ELMO1: variants seen among roughly 807,000 people sequenced by gnomAD.
ELMO1 encodes engulfment and cell motility 1.
In ELMO1, 26 loss-of-function variants were observed where a neutral mutation model predicts 98.9. The ratio of observed to expected loss-of-function variants is 0.26; its 90% CI spans 0.19 to 0.36. The LOEUF is 0.36. Ranked by LOEUF, ELMO1 falls within the 10% of genes least tolerant of loss-of-function variation. The pLI, the probability that ELMO1 is intolerant of heterozygous loss-of-function variation, is 1.00. For synonymous variants in ELMO1, 346 were observed against 346.0 expected (o/e 1.00, Z 0.00); for missense variants, 627 against 935.2 (o/e 0.67, Z 4.30).
intron 13 of ELMO1, chr7:37,211,111 G>A (rs748079913): frequency 3.2e-5 from 10 of 316,606 alleles, no homozygotes; most frequent in Admixed American, 9.3e-5. Context: ...TAATGAAGTC[G>A]AGATACATTC....
intron 16 of ELMO1, among the ~76,000 whole-genome samples, chr7:36,924,990 T>C (rs932871393): frequency 2.6e-5 from 4 of 152,192 alleles, no homozygotes; most frequent in Non-Finnish European, 4.4e-5. Context: ...CAAAGTCTGA[T>C]CATCTCCAGT....
intron 13 of ELMO1, among the ~76,000 whole-genome samples, chr7:37,196,451 C>T (rs1308444600): frequency 3.3e-5 from 5 of 152,154 alleles, no homozygotes; most frequent in Non-Finnish European, 7.3e-5. Context: ...AAGGACGATG[C>T]TCTGTGCATG....
chr7:37,281,299 G>A (rs1160856560), intron 4 of ELMO1, among the ~76,000 whole-genome samples: 1 of 151,992 alleles, frequency 6.6e-6, no homozygotes, highest in Admixed American at 6.6e-5. Flanking sequence ...CTTGGGTGAT[G>A]TGTACACCAA....
chr7:37,207,483 G>A (rs1192632553), intron 13 of ELMO1, among the ~76,000 whole-genome samples: 1 of 151,920 alleles, frequency 6.6e-6, no homozygotes, highest in Non-Finnish European at 1.5e-5. Context: ...CCTGGGAGAT[G>A]GAGGTTACAG....
At chr7:37,164,966 A>G (rs1789543950) in intron 13 of ELMO1, among the ~76,000 whole-genome samples, 1 of 152,026 alleles carries the variant, frequency 6.6e-6, no homozygotes, top group Non-Finnish European at 1.5e-5. Flanking sequence ...CTTCCTACCC[A>G]TGAGCATGGA....
chr7:36,914,810 C>G (rs1445118597), intron 16 of ELMO1, among the ~76,000 whole-genome samples: 1 of 152,122 alleles, frequency 6.6e-6, no homozygotes, highest in Non-Finnish European at 1.5e-5. Flanking sequence ...CCGCACCCAG[C>G]CGAAATGAAA....
chr7:36,892,794 T>C (rs559723223), intron 17 of ELMO1, among the ~76,000 whole-genome samples: 1 of 152,310 alleles, frequency 6.6e-6, no homozygotes, highest in East Asian at 1.9e-4. Flanking sequence ...ATGCTGTGGC[T>C]CCTAACCACT....
At chr7:37,432,871 G>A (rs1804988015) in intron 1 of ELMO1, among the ~76,000 whole-genome samples, 1 of 152,244 alleles carries the variant, frequency 6.6e-6, no homozygotes, top group Non-Finnish European at 1.5e-5. Flanking sequence ...ATGCCCTGTA[G>A]GCTCTTGGGT....
rs1805873574 is a variant in ELMO1, at chr7:36,894,951, A to C, written c.1504T>G (p.Phe502Val). 1 of 1,613,932 alleles carries C rather than the reference A, an allele frequency of 6.2e-7. No homozygotes were observed. The highest frequency in any genetic ancestry group is 1.1e-5 in the South Asian group (1 of 91,074). The change falls in exon 17 of 22, where the codon TTC becomes GTC. Residue 502 changes from phenylalanine (F) to valine (V), a missense_variant. Phe to Val is a conservative substitution (Grantham distance 50). Coordinates refer to ENST00000310758, the MANE Select transcript of ELMO1 (RefSeq NM_014800.11). ...LTTKPSSLDQFKSKLQNLSYT... is the reference protein window; with the variant it reads ...LTTKPSSLDQVKSKLQNLSYT... ...CTCAGGTTCTGCAGTTTGCTCTTGA[A>C]CTGGTCCAGGGAGCTAGGCTTGGTT... is the stretch of plus-strand genomic sequence containing the variant.
At chr7:37,171,079 C>A (rs1328336385) in intron 13 of ELMO1, among the ~76,000 whole-genome samples, 1 of 152,168 alleles carries the variant, frequency 6.6e-6, no homozygotes, top group Non-Finnish European at 1.5e-5. Context: ...ATTCAGAAGA[C>A]TTAAACTTTC....
chr7:37,059,218 A>C (rs1369417195), intron 15 of ELMO1, among the ~76,000 whole-genome samples: 2 of 152,034 alleles, frequency 1.3e-5, no homozygotes, highest in Non-Finnish European at 2.9e-5. Flanking sequence ...GGAAAATATC[A>C]CTCCAGTGGG....
chr7:36,991,133 C>A (rs1791848559), intron 16 of ELMO1, among the ~76,000 whole-genome samples: 1 of 152,176 alleles, frequency 6.6e-6, no homozygotes, highest in African/African-American at 2.4e-5. Context: ...TTGATTAATT[C>A]ATTCTTATGA....
intron 2 of ELMO1, among the ~76,000 whole-genome samples, chr7:37,335,926 T>C (rs971959473): frequency 1.3e-5 from 2 of 152,112 alleles, no homozygotes; most frequent in African/African-American, 4.8e-5. Context: ...ACTTGGGCCA[T>C]AAAGAACGCA....
chr7:36,907,962 T>C (rs759504031), intron 16 of ELMO1, among the ~76,000 whole-genome samples: 9 of 152,224 alleles, frequency 5.9e-5, no homozygotes, highest in Non-Finnish European at 1.3e-4. Flanking sequence ...TCAATAACTT[T>C]GGATCAGGTT....
intron 15 of ELMO1, among the ~76,000 whole-genome samples, chr7:37,064,746 C>T (rs1011345958): frequency 1.4e-4 from 21 of 152,276 alleles, no homozygotes; most frequent in Admixed American, 1.0e-3. Flanking sequence ...ATCCTATCTC[C>T]TTCCCCATCT....
chr7:36,977,018 C>T (rs986295115), intron 16 of ELMO1, among the ~76,000 whole-genome samples: 5 of 152,170 alleles, frequency 3.3e-5, no homozygotes, highest in Non-Finnish European at 5.9e-5. Flanking sequence ...ACTTACTAAC[C>T]GGATAATAAG....
At chr7:36,857,680 A>G (rs1802314568) in intron 21 of ELMO1, among the ~76,000 whole-genome samples, 1 of 152,232 alleles carries the variant, frequency 6.6e-6, no homozygotes, top group Non-Finnish European at 1.5e-5. Flanking sequence ...GTATCAATTC[A>G]TTAGTTTATC....
chr7:36,940,810 AAG>A (rs1786966983), intron 16 of ELMO1, among the ~76,000 whole-genome samples: 1 of 152,238 alleles, frequency 6.6e-6, no homozygotes, highest in Non-Finnish European at 1.5e-5. Context: ...ACTCTACAAC[AAG>A]AGTTTCTTCA....
chr7:36,905,733 T>C (rs950407292), intron 16 of ELMO1, among the ~76,000 whole-genome samples: 1 of 152,224 alleles, frequency 6.6e-6, no homozygotes, highest in Non-Finnish European at 1.5e-5. Flanking sequence ...ACCCAATTCA[T>C]CTCTATGTTT....
Sources: gnomAD v4.1 joint callset for allele counts (sites outside exome capture counted in the v4.1 genomes callset) on GRCh38, gnomAD v4.1.1 for gene constraint, MANE v1.5 for transcripts, NCBI Gene and HGNC (gene_info 2026-07-23, HGNC 2026-07-21) for gene names.